Variants in DAPK3 observed in about 807,000 individuals in gnomAD.
The protein encoded by DAPK3 is death associated protein kinase 3.
In DAPK3, 24 loss-of-function variants were observed where a neutral mutation model predicts 30.6. That is an observed-to-expected ratio of 0.78 (90% confidence interval 0.57 to 1.10). The LOEUF (loss-of-function observed/expected upper bound fraction) is 1.10, where lower values mean the gene tolerates loss of function less well. DAPK3 is among the 50% of genes least tolerant of loss of function. DAPK3 has a pLI of 0.00. For synonymous variants in DAPK3, 341 were observed against 284.0 expected (o/e 1.20, Z -2.02); for missense variants, 629 against 657.3 (o/e 0.96, Z 0.47).
chr19:3,960,498 C>A lies in DAPK3; in HGVS notation c.783-394G>T, dbSNP rs182774979. 4.7e-3 allele frequency among the ~76,000 whole-genome samples: 710 copies of A among 152,234 alleles called. 8 individuals carry two copies. The highest frequency in any genetic ancestry group is 0.02 in the Middle Eastern group (6 of 294). On this transcript the variant is annotated intron_variant, in intron 7 of 8. Transcript: ENST00000545797. ...GCTAAAAACACAGCAAGCAGCCAGA[C>A]ACGGTGTCTCACGCCCGCAATCCCA...
In DAPK3 at chr19:3,959,602, G is replaced by A; in HGVS notation, c.864C>T (p.Ser288=). The A allele has an allele frequency of 1.9e-6, 3 of 1,588,088 alleles. No homozygotes were observed. The highest frequency in any genetic ancestry group is 2.6e-6 in the Non-Finnish European group (3 of 1,175,794). Residue 288 remains serine, a synonymous_variant, in exon 9 of 9, where the codon AGC becomes AGT. Coordinates refer to ENST00000545797, the MANE Select transcript of DAPK3 (RefSeq NM_001348.3). ...IRRRNVRGED[S]GRKPERRRLK... ...GGCGCCGCCGCTCGGGCTTGCGGCC[G>A]CTGTCCTCACCACGCACGTTCCGCC...
chr19:3,961,205 C>T (rs1219887234), intron 6 of DAPK3, 44 bp from the exon 7 acceptor site: 10 of 1,556,622 alleles, frequency 6.4e-6, no homozygotes, highest in East Asian at 2.3e-5. Context: ...TGGGCTCCCA[C>T]CACGGCCGCG....
In DAPK3 at chr19:3,958,943, C is replaced by T. The variant is rs954515910; in HGVS notation, c.*158G>A. On this transcript the variant is annotated 3_prime_UTR_variant, in exon 9 of 9. Transcript: ENST00000545797. ...TCCCACACCCACCCCTGCCTGCGAA[C>T]TTACGGGCCTGGCTCCAGCTCCTCC... 7 of 591,336 alleles carry T rather than the reference C, an allele frequency of 1.2e-5. No homozygotes were observed. The Admixed American group carries it at 1.2e-4, about 10-fold the overall frequency. The allele number at this position is 591,336 out of a possible 1,614,324, so 36.6% of individuals were successfully genotyped here.
chr19:3,968,093 G>A (rs1599183291), intron 2 of DAPK3, among the ~76,000 whole-genome samples: 4 of 152,216 alleles, frequency 2.6e-5, no homozygotes, highest in Non-Finnish European at 5.9e-5. Context: ...CTCCCAAAGC[G>A]CTAGAATTAC....
At chr19:3,968,661 C>T (rs1460911797) in intron 2 of DAPK3, among the ~76,000 whole-genome samples, 1 of 152,138 alleles carries the variant, frequency 6.6e-6, no homozygotes, top group Non-Finnish European at 1.5e-5. Context: ...GGGGTCAACA[C>T]TGAAGCATGA....
chr19:3,964,870 C>T lies in DAPK3; in HGVS notation c.184G>A (p.Glu62Lys), dbSNP rs150676155. 1.6e-5 allele frequency: 26 copies of T among 1,612,214 alleles called. No homozygotes were observed. In the Middle Eastern group the frequency reaches 6.6e-4, roughly 41 times the overall value. ...SRRGVSREEI[E>K]REVNILREIR... ...TCCCGCAGGATGTTCACCTCCCGCT[C>T]GATCTCCTCCCGGCTCACCCCACGC... Residue 62 changes from glutamate to lysine, a missense_variant, in exon 3 of 9, where the codon GAG becomes AAG. Coordinates refer to ENST00000545797, the MANE Select transcript of DAPK3 (RefSeq NM_001348.3).
rs2039491019 is a variant in DAPK3, at chr19:3,960,046, C to A, written c.828+13G>T. 1 of 1,463,028 alleles carries A rather than the reference C, an allele frequency of 6.8e-7. No homozygotes were observed. 90.6% of individuals were successfully genotyped at this position (1,463,028 alleles called of 1,614,324 possible). A position where few individuals can be genotyped will look rare whatever the true frequency, so the allele number is the denominator to read the frequency against. On this transcript the variant is annotated intron_variant, in intron 8 of 8. Transcript: ENST00000545797. Reference sequence around the variant, plus strand: ...GCGGGAAGCCCAGGGAGCTCCCCCACCTCCCCACTTACCTTAATCCAGGAA... The same window carrying A: ...GCGGGAAGCCCAGGGAGCTCCCCCAACTCCCCACTTACCTTAATCCAGGAA...
intron 8 of DAPK3, 24 bp from the exon 9 acceptor site, chr19:3,959,661 G>A (rs1396885607): frequency 8.4e-6 from 13 of 1,546,146 alleles, no homozygotes; most frequent in Non-Finnish European, 1.0e-5. Flanking sequence ...AAGCCTGAGC[G>A]GGGTCCCCGC....
At chr19:3,969,025 C>A (rs1377918158) in intron 2 of DAPK3, among the ~76,000 whole-genome samples, 1 of 152,190 alleles carries the variant, frequency 6.6e-6, no homozygotes, top group Non-Finnish European at 1.5e-5. Context: ...AACAATTGAC[C>A]GAGGTTTGGG....
At chr19:3,962,020 A>G (rs1419769147) in intron 6 of DAPK3, among the ~76,000 whole-genome samples, 1 of 152,054 alleles carries the variant, frequency 6.6e-6, no homozygotes, top group Non-Finnish European at 1.5e-5. Flanking sequence ...TGCCACACCC[A>G]GCTAATTTTT....
In DAPK3 at chr19:3,964,978, T is replaced by TTC. The variant is rs2039562072; in HGVS notation, c.75_76insGA (p.Ile26GlufsTer32). 3.1e-6 allele frequency: 5 copies of TTC among 1,600,510 alleles called. No homozygotes were observed. The highest frequency in any genetic ancestry group is 3.3e-5 in the Admixed American group (2 of 59,898). On this transcript the variant is annotated frameshift_variant, in exon 3 of 9. Transcript: ENST00000545797. LOFTEE classifies it high-confidence loss of function. ...CCCTTCTGCCGGCACTTCCGCACGA[T>TTC]CGCAAACTGGCCGCTGGAGGAGGGG...
chr19:3,964,613 G>A lies in DAPK3; in HGVS notation c.423+18C>T, dbSNP rs754624353. On this transcript the variant is annotated intron_variant, in intron 3 of 8. Transcript: ENST00000545797. The stretch of plus-strand genomic sequence containing the variant: ...CCACACTGGCCAGGCCGGCCCCACA[G>A]GGCCCTACAGGGCTCACCTTCAGGT... The A allele has an allele frequency of 2.1e-5, 26 of 1,251,710 alleles. No homozygotes were observed. The East Asian group carries it at 1.3e-3, about 62-fold the overall frequency. 77.5% of individuals were successfully genotyped at this position (1,251,710 alleles called of 1,614,324 possible). A position where few individuals can be genotyped will look rare whatever the true frequency, so the allele number is the denominator to read the frequency against.
Position 3,959,339 on chromosome 19 carries a change from T to TG in DAPK3, c.1126dup (p.Gln376ProfsTer201). 1 of 1,589,922 alleles carries TG rather than the reference T, an allele frequency of 6.3e-7. No homozygotes were observed. Among genetic ancestry groups the TG allele is most frequent in the Non-Finnish European group, 8.5e-7 (1 of 1,175,552 alleles). On this transcript the variant is annotated frameshift_variant, in exon 9 of 9. Coordinates refer to ENST00000545797, the MANE Select transcript of DAPK3 (RefSeq NM_001348.3). LOFTEE classifies it low-confidence loss of function (END_TRUNC). ...CTCCTGCCGTAGCCTCCGCAGGTCCTGGCCCAGGCTGTCGCTCTCCTCGCG... is the reference window on the plus strand; with the variant it reads ...CTCCTGCCGTAGCCTCCGCAGGTCCTGGGCCCAGGCTGTCGCTCTCCTCGCG...
chr19:3,958,578 C>A lies in DAPK3; in HGVS notation c.*523G>T. 2.2e-6 allele frequency: 1 copy of A among 452,476 alleles called. No individual in the cohort carries two copies. Among genetic ancestry groups the A allele is most frequent in the Non-Finnish European group, 4.4e-6 (1 of 225,752 alleles). The allele number at this position is 452,476 out of a possible 1,614,324, so 28.0% of individuals were successfully genotyped here. A position where few individuals can be genotyped will look rare whatever the true frequency, so the allele number is the denominator to read the frequency against. On this transcript the variant is annotated 3_prime_UTR_variant, in exon 9 of 9. Transcript: ENST00000545797. Reference sequence around the variant, plus strand: ...GGGCACCCCACACCCGGGGGACCGGCCTCGGCGAGAAGGGCACACAGTGGA... The same window carrying A: ...GGGCACCCCACACCCGGGGGACCGGACTCGGCGAGAAGGGCACACAGTGGA...
At chr19:3,961,555 C>T (rs571481921) in intron 6 of DAPK3, 5 of 485,498 alleles carry the variant, frequency 1.0e-5, no homozygotes, top group African/African-American at 3.9e-5. Context: ...GCCCCAACAG[C>T]GTCTGCCTCC....
At chr19:3,967,550 T>G (rs1011693806) in intron 2 of DAPK3, among the ~76,000 whole-genome samples, 3 of 151,122 alleles carry the variant, frequency 2.0e-5, no homozygotes, top group Non-Finnish European at 3.0e-5. Flanking sequence ...AGGTCAGGAG[T>G]TCAAGACCAG....
chr19:3,967,030 C>T (rs1472482794), intron 2 of DAPK3, among the ~76,000 whole-genome samples: 2 of 152,208 alleles, frequency 1.3e-5, no homozygotes, highest in Admixed American at 1.3e-4. Flanking sequence ...ACAGCAAGCC[C>T]TCCTCAGTGA....
intron 6 of DAPK3, among the ~76,000 whole-genome samples, chr19:3,962,321 G>C (rs1332001612): frequency 2.6e-5 from 4 of 152,232 alleles, no homozygotes; most frequent in East Asian, 1.9e-4. Flanking sequence ...CATTTAAAAA[G>C]AATACAAACG....
intron 2 of DAPK3, among the ~76,000 whole-genome samples, chr19:3,965,823 C>T (rs114285324): frequency 1.1e-3 from 160 of 152,086 alleles, no homozygotes; most frequent in African/African-American, 3.8e-3. Context: ...TACCACCACA[C>T]CCAATTAATT....
Sources: gnomAD v4.1 joint callset for allele counts (sites outside exome capture counted in the v4.1 genomes callset) on GRCh38, gnomAD v4.1.1 for gene constraint, MANE v1.5 for transcripts, NCBI Gene and HGNC (gene_info 2026-07-23, HGNC 2026-07-21) for gene names.